Variants in SUSD3 observed in about 807,000 individuals in gnomAD.
The protein encoded by SUSD3 is sushi domain containing 3.
In SUSD3, 18 loss-of-function variants were observed where a neutral mutation model predicts 20.6. The observed-to-expected ratio is 0.87, with a 90% confidence interval of 0.60 to 1.30. SUSD3 has a LOEUF of 1.30. Among genes scored for constraint, SUSD3 ranks in the 50% most tolerant of loss-of-function variants. SUSD3 has a pLI of 0.00. For missense variants in SUSD3, 306 were observed against 346.9 expected (o/e 0.88, Z 0.94); for synonymous variants, 137 against 141.5 (o/e 0.97, Z 0.23).
intron 1 of SUSD3, among the ~76,000 whole-genome samples, chr9:93,063,579 G>A (rs934100365): frequency 1.3e-5 from 2 of 152,170 alleles, no homozygotes; most frequent in African/African-American, 2.4e-5. Flanking sequence ...TGCAGCAAGA[G>A]AGGCCACAGG....
intron 1 of SUSD3, among the ~76,000 whole-genome samples, chr9:93,063,926 T>A (rs1184329139): frequency 1.3e-5 from 2 of 152,200 alleles, no homozygotes; most frequent in African/African-American, 2.4e-5. Flanking sequence ...TCAGTTTTAC[T>A]GGGCTTGTAT....
In SUSD3 at chr9:93,084,837, A is replaced by C; in HGVS notation, c.*90A>C. On this transcript the variant is annotated 3_prime_UTR_variant, in exon 5 of 5. Coordinates refer to ENST00000375472, the MANE Select transcript of SUSD3 (RefSeq NM_145006.4). Reference sequence around the variant, plus strand: ...AGCTACAACTCCACATCAACTCCACATGCGCCCAGCTCGAGACTGATGAGT... The same window carrying C: ...AGCTACAACTCCACATCAACTCCACCTGCGCCCAGCTCGAGACTGATGAGT... The C allele has an allele frequency of 2.1e-5, 24 of 1,163,172 alleles. No homozygotes were observed. Among genetic ancestry groups the C allele is most frequent in the Admixed American group, 3.0e-5 (1 of 33,860 alleles). The allele number at this position is 1,163,172 out of a possible 1,614,324, so 72.1% of individuals were successfully genotyped here.
intron 1 of SUSD3, among the ~76,000 whole-genome samples, chr9:93,067,754 C>T (rs544405726): frequency 1.4e-4 from 22 of 152,070 alleles, no homozygotes; most frequent in Non-Finnish European, 2.9e-4. Context: ...CCCACCACTA[C>T]GCCTGGCTAA....
At chr9:93,075,751 C>CCCCCCCCCCCCCCA in intron 1 of SUSD3, 33 bp from the exon 2 acceptor site, 6 of 248,754 alleles carry the variant, frequency 2.4e-5, no homozygotes, top group South Asian at 8.7e-5. Context: ...CCCCCCCCCC[C>CCCCCCCCCCCCCCA]CCGCCATGCC....
In SUSD3 at chr9:93,079,337, C is replaced by T. The variant is rs76922881; in HGVS notation, c.426-134C>T. ...CTCACCACACCAAAAACATCCACTG[C>T]CCAGCTCTTTGAGAGGTTTGCCAGC... On this transcript the variant is annotated intron_variant, in intron 3 of 4. Transcript: ENST00000375472. 9,352 of 943,748 alleles carry T rather than the reference C, an allele frequency of 9.9e-3. 72 individuals are homozygous for T. The highest frequency in any genetic ancestry group is 0.013 in the Non-Finnish European group (8,288 of 638,218). 58.5% of individuals were successfully genotyped at this position (943,748 alleles called of 1,614,324 possible). A position where few individuals can be genotyped will look rare whatever the true frequency, so the allele number is the denominator to read the frequency against.
chr9:93,076,026 T>G, intron 2 of SUSD3, 54 bp downstream of exon 2: 1 of 1,459,482 alleles, frequency 6.9e-7, no homozygotes, highest in Non-Finnish European at 9.4e-7. Flanking sequence ...TGGCCCCAAA[T>G]CCTGTCATGG....
At chr9:93,077,793 C>T in intron 2 of SUSD3, 53 bp from the exon 3 acceptor site, 7 of 1,608,680 alleles carry the variant, frequency 4.4e-6, no homozygotes, top group Non-Finnish European at 5.9e-6. Flanking sequence ...ACCCCTGGGC[C>T]AAGCAAATCT....
At chr9:93,076,039 A>T in intron 2 of SUSD3, 67 bp downstream of exon 2, 1 of 1,406,328 alleles carries the variant, frequency 7.1e-7, no homozygotes, top group Non-Finnish European at 9.8e-7. Flanking sequence ...TGTCATGGGG[A>T]TGGTGTGGGT....
chr9:93,068,437 A>G (rs1403737437), intron 1 of SUSD3, among the ~76,000 whole-genome samples: 1 of 152,158 alleles, frequency 6.6e-6, no homozygotes, highest in African/African-American at 2.4e-5. Flanking sequence ...TTCCTTTCCC[A>G]TTGAATTGTC....
At chr9:93,080,041 T>G (rs1393949199) in intron 4 of SUSD3, among the ~76,000 whole-genome samples, 1 of 152,126 alleles carries the variant, frequency 6.6e-6, no homozygotes, top group Non-Finnish European at 1.5e-5. Context: ...AATTTAATAC[T>G]GATTGGCCAG....
chr9:93,064,200 G>A (rs752998472), intron 1 of SUSD3, among the ~76,000 whole-genome samples: 6 of 152,088 alleles, frequency 3.9e-5, no homozygotes, highest in Admixed American at 6.6e-5. Flanking sequence ...GGTGCACACC[G>A]CCACGCCTAG....
intron 1 of SUSD3, among the ~76,000 whole-genome samples, chr9:93,069,979 A>G (rs1026168001): frequency 6.6e-6 from 1 of 152,040 alleles, no homozygotes; most frequent in Non-Finnish European, 1.5e-5. Flanking sequence ...GGGTTTCACC[A>G]TGTTGGCCAG....
intron 1 of SUSD3, among the ~76,000 whole-genome samples, chr9:93,067,443 C>T (rs945155054): frequency 9.9e-5 from 15 of 152,192 alleles, no homozygotes; most frequent in Non-Finnish European, 1.8e-4. Context: ...GATTACCTAG[C>T]AGTGGAATTA....
At chr9:93,079,637 G>T in intron 4 of SUSD3, 35 bp downstream of exon 4, 2 of 1,609,464 alleles carry the variant, frequency 1.2e-6, no homozygotes, top group South Asian at 2.2e-5. Context: ...CATGCTGGGG[G>T]ACAAGGGGTC....
intron 1 of SUSD3, among the ~76,000 whole-genome samples, chr9:93,064,719 T>TAGAGGAAGTC (rs1825641995): frequency 1.3e-5 from 2 of 152,096 alleles, no homozygotes; most frequent in Non-Finnish European, 2.9e-5. Context: ...AAAACACACT[T>TAGAGGAAGTC]AGAGGAAGTC....
Position 93,084,634 on chromosome 9 carries a change from A to G in SUSD3, c.655A>G (p.Ser219Gly). Residue 219 changes from serine (S) to glycine (G), a missense_variant, in exon 5 of 5, where the codon AGC becomes GGC. By Grantham distance (56) the Ser-to-Gly change is moderately conservative. Coordinates refer to ENST00000375472, the MANE Select transcript of SUSD3 (RefSeq NM_145006.4). The stretch of plus-strand genomic sequence containing the variant: ...AGCTCTAAGCCTCAGTGGCTCCTCC[A>G]GCTCACCCCAAGCCCAGGTGATGGT... Reference protein sequence around the residue: ...PRALSLSGSSSSPQAQVMVHM... With the variant: ...PRALSLSGSSGSPQAQVMVHM... 1 of 1,609,838 alleles carries G rather than the reference A, an allele frequency of 6.2e-7. No homozygotes were observed. The highest frequency in any genetic ancestry group is 2.2e-5 in the East Asian group (1 of 44,690).
intron 1 of SUSD3, among the ~76,000 whole-genome samples, chr9:93,067,347 C>T (rs1825754761): frequency 6.6e-6 from 1 of 152,200 alleles, no homozygotes; most frequent in Non-Finnish European, 1.5e-5. Flanking sequence ...TTAGGTGTTT[C>T]AGCTCTCTGG....
chr9:93,081,610 T>C (rs1203542070), intron 4 of SUSD3, among the ~76,000 whole-genome samples: 1 of 152,150 alleles, frequency 6.6e-6, no homozygotes, highest in Non-Finnish European at 1.5e-5. Flanking sequence ...CAGGAGATGG[T>C]GGTCTCTGTG....
chr9:93,065,105 T>C (rs1163194167), intron 1 of SUSD3, among the ~76,000 whole-genome samples: 1 of 152,072 alleles, frequency 6.6e-6, no homozygotes, highest in Non-Finnish European at 1.5e-5. Context: ...CCCTGGTGGG[T>C]GGGAAGGGGA....
Sources: allele counts gnomAD v4.1 joint callset (sites outside exome capture counted in the v4.1 genomes callset), GRCh38; gene constraint gnomAD v4.1.1; transcripts MANE v1.5; gene names NCBI Gene and HGNC (gene_info 2026-07-23, HGNC 2026-07-21).